The following PLXNA1 variants were observed in gnomAD, a reference collection of about 807,000 sequenced individuals.
PLXNA1 encodes plexin A1, also known as plexin-A1.
In PLXNA1, 77 loss-of-function variants were observed where a neutral mutation model predicts 191.7. The observed-to-expected ratio is 0.40, with a 90% CI of 0.33 to 0.49. The LOEUF (loss-of-function observed/expected upper bound fraction) is 0.49, where lower values mean the gene tolerates loss of function less well. Ranked by LOEUF, PLXNA1 falls within the 20% of genes least tolerant of loss-of-function variation. PLXNA1 has a pLI of 0.63. For synonymous variants in PLXNA1, 1,137 were observed against 1,156.4 expected, an observed-to-expected ratio of 0.98 and a Z score of 0.34; for missense variants, 2,110 against 2,660.2, an observed-to-expected ratio of 0.79 and a Z score of 4.55.
intron 16 of PLXNA1, 76 bp from the exon 17 acceptor site, chr3:127,016,868 T>A: frequency 6.9e-7 from 1 of 1,441,984 alleles, no homozygotes; most frequent in Non-Finnish European, 9.6e-7. Flanking sequence ...TTTGCCTGGC[T>A]GAGCTGTGGC....
chr3:127,014,896 T>TCTGTGCCTCTTCAGGGCCC (rs2079115230), intron 14 of PLXNA1, 65 bp downstream of exon 14: 1 of 1,569,086 alleles, frequency 6.4e-7, no homozygotes, highest in Non-Finnish European at 8.6e-7. Context: ...GCTCAGGGCT[T>TCTGTGCCTCTTCAGGGCCC]CTGTGCCTCT....
Position 127,015,267 on chromosome 3 carries a change from C to G in PLXNA1, c.2961C>G (p.Asn987Lys). ...TTGGCATCGAGGGAAGCCACCTGAA[C>G]GCAGGCAGTGATGTGGCTGTGTCGG... ...TWIGIEGSHLNAGSDVAVSVG... is the reference protein window; with the variant it reads ...TWIGIEGSHLKAGSDVAVSVG... Residue 987 changes from asparagine (N) to lysine (K), a missense_variant, in exon 15 of 32, where the codon AAC becomes AAG. Asn to Lys is a moderately conservative substitution (Grantham distance 94). Coordinates refer to ENST00000393409, the MANE Select transcript of PLXNA1 (RefSeq NM_032242.4). 1.2e-6 allele frequency: 2 copies of G among 1,612,816 alleles called. No individual in the cohort carries two copies. The highest frequency in any genetic ancestry group is 1.7e-6 in the Non-Finnish European group (2 of 1,179,792).
intron 2 of PLXNA1, 71 bp downstream of exon 2, chr3:126,989,858 T>C (rs1274173942): frequency 1.2e-5 from 16 of 1,324,920 alleles, no homozygotes; most frequent in Non-Finnish European, 1.6e-5. Context: ...CGGTGTCAGA[T>C]GCACGCCCAG....
At chr3:127,001,027 G>A (rs985516948) in intron 3 of PLXNA1, among the ~76,000 whole-genome samples, 3 of 152,164 alleles carry the variant, frequency 2.0e-5, no homozygotes, top group Non-Finnish European at 4.4e-5. Flanking sequence ...AGCTGGACGC[G>A]TGTGCTCCCG....
chr3:127,028,364 C>T, intron 25 of PLXNA1, 24 bp downstream of exon 25: 1 of 1,599,786 alleles, frequency 6.3e-7, no homozygotes. Context: ...GCCACGGCTG[C>T]CCGGGGTGTG....
chr3:127,013,757 G>T (rs2079107119), intron 10 of PLXNA1, among the ~76,000 whole-genome samples: 1 of 152,222 alleles, frequency 6.6e-6, no homozygotes, highest in Admixed American at 6.5e-5. Context: ...GTGGTTGGAG[G>T]TGGTCTCCAA....
Position 127,004,902 on chromosome 3 carries a change from C to T in PLXNA1, c.1637C>T (p.Ala546Val). The change falls in exon 6 of 32, where the codon GCC becomes GTC. Residue 546 changes from alanine (A) to valine (V), a missense_variant. By Grantham distance (64) the Ala-to-Val change is moderately conservative. This residue lies in a region of PLXNA1 where 903 missense variants were observed against 1,015.7 expected (regional missense o/e 0.89). Coordinates refer to ENST00000393409, the MANE Select transcript of PLXNA1 (RefSeq NM_032242.4). ...VLHSICSRRD[A>V]CERADEPQRF... ...GCCTGCAGCTGCTCGCGGCGGGACGCCTGTGAGCGAGCAGACGAGCCCCAG... is the reference window on the plus strand; with the variant it reads ...GCCTGCAGCTGCTCGCGGCGGGACGTCTGTGAGCGAGCAGACGAGCCCCAG... 1 of 1,603,074 alleles carries T rather than the reference C, an allele frequency of 6.2e-7. No homozygotes were observed. Among genetic ancestry groups the T allele is most frequent in the Non-Finnish European group, 8.5e-7 (1 of 1,173,288 alleles).
At chr3:126,996,733 A>G (rs2079016522) in intron 3 of PLXNA1, among the ~76,000 whole-genome samples, 1 of 152,164 alleles carries the variant, frequency 6.6e-6, no homozygotes, top group Non-Finnish European at 1.5e-5. Context: ...AGGGAGGGAC[A>G]AGGGGAGTTG....
chr3:126,986,074 T>C (rs1395064170), intron 1 of PLXNA1, among the ~76,000 whole-genome samples: 1 of 152,154 alleles, frequency 6.6e-6, no homozygotes, highest in Non-Finnish European at 1.5e-5. Flanking sequence ...TCCTGTTGAA[T>C]ACAAAAAGTA....
At chr3:127,029,778 T>G (rs1039735960) in intron 27 of PLXNA1, 96 bp from the exon 28 acceptor site, 5 of 1,381,494 alleles carry the variant, frequency 3.6e-6, no homozygotes, top group Non-Finnish European at 4.9e-6. Flanking sequence ...CCCACATGGG[T>G]GGGGGTGCCA....
intron 9 of PLXNA1, among the ~76,000 whole-genome samples, chr3:127,008,921 T>C (rs1196360194): frequency 6.6e-6 from 1 of 152,120 alleles, no homozygotes; most frequent in Non-Finnish European, 1.5e-5. Flanking sequence ...ACAGTGCCTG[T>C]GTCAGGGTGA....
chr3:127,018,258 A>G, intron 19 of PLXNA1, 36 bp from the exon 20 acceptor site: 2 of 1,526,326 alleles, frequency 1.3e-6, no homozygotes, highest in Non-Finnish European at 1.8e-6. Context: ...TGTGGAAAGC[A>G]TGGGAAGCTC....
At chr3:127,002,575 G>C (rs9681955) in intron 3 of PLXNA1, among the ~76,000 whole-genome samples, 13,041 of 152,294 alleles carry the variant, frequency 0.086, 579 homozygotes, top group Admixed American at 0.11. Context: ...AGTGGGTCAG[G>C]CTGGGGGAAG....
In PLXNA1 at chr3:127,032,784, G is replaced by A. The variant is rs2079218619; in HGVS notation, c.5543G>A (p.Ser1848Asn). 1.4e-5 allele frequency: 22 copies of A among 1,599,558 alleles called. No homozygotes were observed. The highest frequency in any genetic ancestry group is 1.9e-5 in the Non-Finnish European group (22 of 1,173,526). ...QSRLHLSQFN[S>N]MSALHEIYSY... Reference sequence around the variant, plus strand: ...CGCCTGCACCTGAGCCAGTTCAACAGCATGAGCGCCTTGCACGAGATCTAC... The same window carrying A: ...CGCCTGCACCTGAGCCAGTTCAACAACATGAGCGCCTTGCACGAGATCTAC... The change falls in exon 31 of 32, where the codon AGC (serine) becomes AAC (asparagine). Residue 1848 changes from serine to asparagine, a missense_variant. By Grantham distance (46) the Ser-to-Asn change is conservative (BLOSUM62 1). This residue lies in a region of PLXNA1 where 559 missense variants were observed against 911.5 expected (regional missense o/e 0.61). Transcript: ENST00000393409.
At chr3:126,986,889 G>A (rs1576666303) in intron 1 of PLXNA1, among the ~76,000 whole-genome samples, 1 of 152,198 alleles carries the variant, frequency 6.6e-6, no homozygotes, top group East Asian at 1.9e-4. Context: ...TCCATCTTCA[G>A]GCCTCAGCTT....
rs1309417796 is a variant in PLXNA1, at chr3:127,017,425, G to T, written c.3277G>T (p.Gly1093Cys). 1.2e-6 allele frequency: 2 copies of T among 1,611,994 alleles called. No individual in the cohort carries two copies. Among genetic ancestry groups the T allele is most frequent in the African/African-American group, 1.3e-5 (1 of 74,928 alleles). ...AKYGGIEREN[G>C]CLVYNDTTMV... ...CAGCATCCCCACCCTGTGTCTCCAG[G>T]GCTGCCTGGTGTACAATGACACCAC... The change falls in exon 18 of 32, where the codon GGC becomes TGC. Residue 1093 changes from glycine to cysteine, a missense_variant and splice_region_variant. By Grantham distance (159) the Gly-to-Cys change is radical (BLOSUM62 -3). Transcript: ENST00000393409.
At position 127,001,794 on chromosome 3, in the gene PLXNA1, C is replaced by T. The variant is rs970970968; in HGVS notation, c.1378-1536C>T. On this transcript the variant is annotated intron_variant, in intron 3 of 31. Coordinates refer to ENST00000393409, the MANE Select transcript of PLXNA1 (RefSeq NM_032242.4). ...CCCGCCTGGCACACCTGGCCTGGTT[C>T]TCATATAATCCTCAGAACAACTCTG... 4.6e-5 allele frequency among the ~76,000 whole-genome samples: 7 copies of T among 152,206 alleles called. No homozygotes were observed. In the South Asian group the frequency reaches 1.0e-3, roughly 23 times the overall value.
intron 19 of PLXNA1, 65 bp downstream of exon 19, chr3:127,017,957 C>G: frequency 1.3e-6 from 2 of 1,585,628 alleles, no homozygotes; most frequent in Non-Finnish European, 1.7e-6. Flanking sequence ...CCCTGCCCCA[C>G]TAGCACAGCC....
intron 1 of PLXNA1, among the ~76,000 whole-genome samples, chr3:126,985,647 C>T (rs2078955119): frequency 1.3e-5 from 2 of 152,176 alleles, no homozygotes; most frequent in South Asian, 4.1e-4. Flanking sequence ...CCGGCATGGG[C>T]CCCTGGCACC....
Sources: gnomAD v4.1 joint callset for allele counts (sites outside exome capture counted in the v4.1 genomes callset) on GRCh38, gnomAD v4.1.1 for gene constraint, gnomAD v4.1.1 regional missense constraint, MANE v1.5 for transcripts, NCBI Gene and HGNC (gene_info 2026-07-23, HGNC 2026-07-21) for gene names.